The following PPA2 variants were observed in gnomAD, a reference collection of about 807,000 sequenced individuals.
PPA2 encodes the protein inorganic pyrophosphatase 2, mitochondrial.
Under a neutral mutation model 49.5 loss-of-function variants are expected in PPA2, and 48 were observed. The ratio of observed to expected loss-of-function variants is 0.97; its 90% CI spans 0.77 to 1.23. PPA2 has a LOEUF of 1.23. Among genes scored for constraint, PPA2 ranks in the 50% most tolerant of loss-of-function variants. The pLI is 0.00. For missense variants in PPA2, 429 were observed against 410.1 expected (o/e 1.05, Z -0.40); for synonymous variants, 131 against 139.9 (o/e 0.94, Z 0.45).
At chr4:105,416,685 T>C (rs1384814990) in intron 7 of PPA2, among the ~76,000 whole-genome samples, 1 of 152,228 alleles carries the variant, frequency 6.6e-6, no homozygotes, top group African/African-American at 2.4e-5. Flanking sequence ...AGAGAACTGA[T>C]TTTCTTAATA....
At chr4:105,455,297 C>T (rs1722834310) in intron 2 of PPA2, among the ~76,000 whole-genome samples, 1 of 152,170 alleles carries the variant, frequency 6.6e-6, no homozygotes, top group Non-Finnish European at 1.5e-5. Flanking sequence ...AAACAAAACA[C>T]AGGAACACAT....
chr4:105,396,569 A>T (rs1365342208), intron 8 of PPA2, among the ~76,000 whole-genome samples: 1 of 152,162 alleles, frequency 6.6e-6, no homozygotes, highest in Non-Finnish European at 1.5e-5. Flanking sequence ...TAATAGGGAT[A>T]ATCTATATCA....
At chr4:105,405,319 G>T in intron 7 of PPA2, 1 of 757,614 alleles carries the variant, frequency 1.3e-6, no homozygotes, top group Non-Finnish European at 1.6e-6. Context: ...ATAACTTTTT[G>T]CTATACACAT....
chr4:105,421,094 C>G (rs913456396), intron 7 of PPA2, among the ~76,000 whole-genome samples: 4 of 152,156 alleles, frequency 2.6e-5, no homozygotes, highest in African/African-American at 9.7e-5. Flanking sequence ...AAGTTCTACA[C>G]TGGGCAGTTA....
chr4:105,421,421 T>A (rs954912754), intron 7 of PPA2, among the ~76,000 whole-genome samples: 2 of 152,334 alleles, frequency 1.3e-5, no homozygotes, highest in East Asian at 3.8e-4. Context: ...TCTGAGTTTT[T>A]ATTTCCATGT....
chr4:105,409,343 G>A (rs996352157), intron 7 of PPA2, among the ~76,000 whole-genome samples: 11 of 152,264 alleles, frequency 7.2e-5, no homozygotes, highest in Admixed American at 2.0e-4. Context: ...AGCCTGGTGG[G>A]AGGAGGGGCG....
intron 4 of PPA2, among the ~76,000 whole-genome samples, chr4:105,448,492 C>T (rs1722509394): frequency 2.6e-5 from 4 of 151,096 alleles, no homozygotes; most frequent in Admixed American, 2.0e-4. Context: ...TATATATAAG[C>T]TTCTATAGCT....
intron 10 of PPA2, among the ~76,000 whole-genome samples, chr4:105,374,967 C>G (rs551614883): frequency 6.6e-6 from 1 of 151,214 alleles, no homozygotes; most frequent in Admixed American, 6.6e-5. Flanking sequence ...GCTGGGATTA[C>G]AGGTGTGAGC....
At chr4:105,470,129 C>T (rs1425412574) in intron 1 of PPA2, among the ~76,000 whole-genome samples, 1 of 152,210 alleles carries the variant, frequency 6.6e-6, no homozygotes, top group African/African-American at 2.4e-5. Flanking sequence ...GAAAGCATAG[C>T]TTTTCCCTAT....
intron 5 of PPA2, 144 bp from the exon 6 acceptor site, chr4:105,438,180 G>A (rs1001757095): frequency 2.7e-5 from 16 of 601,336 alleles, no homozygotes; most frequent in African/African-American, 2.5e-4. Context: ...AAGGCCAACA[G>A]GCCAGTATGT....
At chr4:105,389,653 T>G (rs934954097) in intron 9 of PPA2, among the ~76,000 whole-genome samples, 1 of 151,948 alleles carries the variant, frequency 6.6e-6, no homozygotes. Flanking sequence ...TAATAAAGTA[T>G]ATTACTAGAC....
chr4:105,407,145 A>AT (rs5860796), intron 7 of PPA2: 98,822 of 150,670 alleles, frequency 0.66, 32,540 homozygotes, highest in East Asian at 0.71. Flanking sequence ...CTACAAGCAT[A>AT]GTGAAAGTCC....
intron 10 of PPA2, among the ~76,000 whole-genome samples, chr4:105,378,581 T>G (rs1354881043): frequency 6.6e-6 from 1 of 152,066 alleles, no homozygotes; most frequent in Non-Finnish European, 1.5e-5. Flanking sequence ...GAACAAAAAT[T>G]TTTTATTTTG....
intron 7 of PPA2, among the ~76,000 whole-genome samples, chr4:105,408,726 T>A (rs1227356512): frequency 3.9e-5 from 6 of 152,180 alleles, no homozygotes; most frequent in African/African-American, 9.7e-5. Context: ...GAATGCTTTC[T>A]CCCTTTAAAA....
In PPA2 at chr4:105,381,159, T is replaced by C. The variant is rs1733472507; in HGVS notation, c.939+5408A>G. Among the ~76,000 whole-genome samples the C allele has an allele frequency of 3.3e-5, 5 of 152,230 alleles. No individual in the cohort carries two copies. The South Asian group carries it at 1.0e-3, about 32-fold the overall frequency. ...AAGTAAGATAAAGCAAATTATGATG[T>C]TTAGTGGTCATTGTATGTTTCCTCT... On this transcript the variant is annotated intron_variant, in intron 10 of 11. Coordinates refer to ENST00000341695, the MANE Select transcript of PPA2 (RefSeq NM_176869.3).
At chr4:105,439,580 G>A (rs1381063633) in intron 5 of PPA2, among the ~76,000 whole-genome samples, 1 of 152,086 alleles carries the variant, frequency 6.6e-6, no homozygotes, top group Non-Finnish European at 1.5e-5. Flanking sequence ...ATACCATGGA[G>A]AGTGTCATGT....
At chr4:105,423,376 A>G (rs1723336898) in intron 7 of PPA2, 1 of 152,238 alleles carries the variant, frequency 6.6e-6, no homozygotes, top group Admixed American at 6.5e-5. Flanking sequence ...ACAAGTAAAG[A>G]GGATCCTGAG....
chr4:105,419,308 T>A (rs1723148492), intron 7 of PPA2, among the ~76,000 whole-genome samples: 1 of 151,908 alleles, frequency 6.6e-6, no homozygotes, highest in African/African-American at 2.4e-5. Flanking sequence ...TCCTCCCCGC[T>A]CCCCCCACCC....
At chr4:105,460,521 A>G (rs111702151) in intron 1 of PPA2, among the ~76,000 whole-genome samples, 3,092 of 152,286 alleles carry the variant, frequency 0.02, 45 homozygotes, top group Middle Eastern at 0.061. Flanking sequence ...ACAATCATCA[A>G]TCTGTGATTG....
Sources: gnomAD v4.1 joint callset for allele counts (sites outside exome capture counted in the v4.1 genomes callset) on GRCh38, gnomAD v4.1.1 for gene constraint, MANE v1.5 for transcripts, NCBI Gene and HGNC (gene_info 2026-07-23, HGNC 2026-07-21) for gene names.